The following TMEM232 variants were observed in gnomAD, a reference collection of about 807,000 sequenced individuals.
TMEM232 encodes the protein transmembrane protein 232.
In TMEM232, 80 loss-of-function variants were observed where a neutral mutation model predicts 78.8. That is an observed-to-expected ratio of 1.01 (90% CI 0.85 to 1.22). The LOEUF is 1.22. TMEM232 is among the 50% of genes most tolerant of loss of function. The pLI is 0.00. For synonymous variants in TMEM232, 297 were observed against 254.3 expected (o/e 1.17, Z -1.60); for missense variants, 881 against 742.2 (o/e 1.19, Z -2.17).
chr5:110,663,777 A>G (rs1454297139), intron 2 of TMEM232, among the ~76,000 whole-genome samples: 2 of 146,714 alleles, frequency 1.4e-5, no homozygotes, highest in Non-Finnish European at 3.1e-5. Context: ...GTGTGTGTAT[A>G]TACAATATTC....
At chr5:110,541,557 G>A (rs981629423) in intron 11 of TMEM232, among the ~76,000 whole-genome samples, 1 of 152,036 alleles carries the variant, frequency 6.6e-6, no homozygotes, top group East Asian at 1.9e-4. Context: ...GGGTTGCTAA[G>A]GCTCTCAGAA....
At chr5:110,580,229 T>C (rs1047143249) in intron 10 of TMEM232, among the ~76,000 whole-genome samples, 1 of 151,710 alleles carries the variant, frequency 6.6e-6, no homozygotes, top group East Asian at 1.9e-4. Context: ...TCCCATAAGA[T>C]TATAGTGGAT....
chr5:110,664,202 ATTT>A (rs1436302804), intron 2 of TMEM232, among the ~76,000 whole-genome samples: 2 of 152,130 alleles, frequency 1.3e-5, no homozygotes, highest in African/African-American at 4.8e-5. Flanking sequence ...ATATGCAATG[ATTT>A]TCACTATGGC....
intron 12 of TMEM232, among the ~76,000 whole-genome samples, chr5:110,465,047 C>T (rs1202384655): frequency 6.6e-6 from 1 of 152,168 alleles, no homozygotes; most frequent in Admixed American, 6.5e-5. Context: ...TCAAAGAAAG[C>T]TGAGATGGTC....
intron 1 of TMEM232, among the ~76,000 whole-genome samples, chr5:110,691,382 C>A (rs1266973178): frequency 2.0e-5 from 3 of 152,188 alleles, no homozygotes; most frequent in African/African-American, 7.2e-5. Flanking sequence ...TTGATGCAAA[C>A]TGCTAATGTG....
chr5:110,628,362 T>C (rs113957185), intron 5 of TMEM232, among the ~76,000 whole-genome samples: 3,777 of 152,202 alleles, frequency 0.025, 155 homozygotes, highest in African/African-American at 0.086. Flanking sequence ...ACCATTGCAT[T>C]AGATAGTGTT....
chr5:110,694,488 C>T (rs1794524150), intron 1 of TMEM232, among the ~76,000 whole-genome samples: 1 of 152,076 alleles, frequency 6.6e-6, no homozygotes, highest in South Asian at 2.1e-4. Flanking sequence ...CTAAATGCTA[C>T]AATTAAAAGA....
intron 12 of TMEM232, among the ~76,000 whole-genome samples, chr5:110,508,401 A>G (rs991352845): frequency 2.0e-5 from 3 of 151,042 alleles, no homozygotes; most frequent in African/African-American, 7.3e-5. Flanking sequence ...AAAATTTTAT[A>G]TATATATAAA....
At chr5:110,557,186 T>C (rs982888579) in intron 11 of TMEM232, among the ~76,000 whole-genome samples, 31 of 152,224 alleles carry the variant, frequency 2.0e-4, no homozygotes, top group Admixed American at 1.7e-3. Flanking sequence ...CTGATTATGT[T>C]ATGAAATTTT....
chr5:110,431,534 C>G (rs879346143), intron 12 of TMEM232, among the ~76,000 whole-genome samples: 1 of 151,474 alleles, frequency 6.6e-6, no homozygotes, highest in Admixed American at 6.6e-5. Context: ...TACAAAAAAT[C>G]CAGAATTCAA....
intron 10 of TMEM232, among the ~76,000 whole-genome samples, chr5:110,570,728 C>T (rs1395761704): frequency 2.0e-5 from 3 of 151,976 alleles, no homozygotes; most frequent in African/African-American, 7.2e-5. Flanking sequence ...TACTGCTTCA[C>T]CATTACTAAT....
At chr5:110,696,224 G>A (rs1219260097) in intron 1 of TMEM232, among the ~76,000 whole-genome samples, 1 of 152,160 alleles carries the variant, frequency 6.6e-6, no homozygotes, top group Non-Finnish European at 1.5e-5. Flanking sequence ...CTCAATAGAT[G>A]CAGAAAAGGC....
At chr5:110,684,788 T>C (rs1793185286) in intron 1 of TMEM232, 1 of 152,098 alleles carries the variant, frequency 6.6e-6, no homozygotes, top group South Asian at 2.1e-4. Flanking sequence ...CTCTCTCTTG[T>C]TTTTTCTATG....
At chr5:110,517,539 A>G (rs1581036045) in intron 12 of TMEM232, among the ~76,000 whole-genome samples, 1 of 152,102 alleles carries the variant, frequency 6.6e-6, no homozygotes, top group Admixed American at 6.5e-5. Flanking sequence ...CATTCCACTC[A>G]CCTCTGTTTT....
chr5:110,539,638 T>C (rs1032209445), intron 11 of TMEM232, among the ~76,000 whole-genome samples: 2 of 152,222 alleles, frequency 1.3e-5, no homozygotes, highest in African/African-American at 4.8e-5. Context: ...CCCCTTTCTA[T>C]GCTTGGGCCT....
At chr5:110,398,427 T>C (rs1755472799) in intron 2 of TMEM232, among the ~76,000 whole-genome samples, 1 of 152,130 alleles carries the variant, frequency 6.6e-6, no homozygotes. Flanking sequence ...GCAGGTTCTG[T>C]AGATGCCCAA....
At chr5:110,695,399 G>A (rs181846046) in intron 1 of TMEM232, among the ~76,000 whole-genome samples, 1,788 of 152,048 alleles carry the variant, frequency 0.012, 45 homozygotes, top group African/African-American at 0.04. Context: ...AGAACTAGAG[G>A]AGCAAGAGCA....
At chr5:110,462,293 G>C (rs1761614559) in intron 12 of TMEM232, among the ~76,000 whole-genome samples, 1 of 152,166 alleles carries the variant, frequency 6.6e-6, no homozygotes, top group Non-Finnish European at 1.5e-5. Flanking sequence ...TTAATATTGA[G>C]TGTCAACTTT....
chr5:110,598,692 G>T (rs1250127962), intron 10 of TMEM232, among the ~76,000 whole-genome samples: 6 of 151,684 alleles, frequency 4.0e-5, no homozygotes, highest in Admixed American at 1.3e-4. Flanking sequence ...TAAAAAATGA[G>T]GAGTTCATGT....
Sources: gnomAD v4.1 joint callset for allele counts (sites outside exome capture counted in the v4.1 genomes callset) on GRCh38, gnomAD v4.1.1 for gene constraint, MANE v1.5 for transcripts, NCBI Gene and HGNC (gene_info 2026-07-23, HGNC 2026-07-21) for gene names.